Variants in DGKI observed in about 807,000 individuals in gnomAD.
DGKI encodes diacylglycerol kinase iota, also known as DAG kinase iota.
In DGKI, 55 loss-of-function variants were observed where a neutral mutation model predicts 147.5. That is an observed-to-expected ratio of 0.37 (90% CI 0.30 to 0.47). The LOEUF (loss-of-function observed/expected upper bound fraction) is 0.47. Among genes scored for constraint, DGKI ranks in the 20% least tolerant of loss-of-function variants. DGKI has a pLI of 1.00. For synonymous variants in DGKI, 469 were observed against 477.1 expected, an observed-to-expected ratio of 0.98 and a Z score of 0.22; for missense variants, 1,007 against 1,323.8, an observed-to-expected ratio of 0.76 and a Z score of 3.71.
At chr7:137,806,801 C>G (rs574485814) in intron 1 of DGKI, among the ~76,000 whole-genome samples, 2 of 152,254 alleles carry the variant, frequency 1.3e-5, no homozygotes, top group Non-Finnish European at 2.9e-5. Flanking sequence ...GCCCACCTCC[C>G]CACCATGCAT....
intron 4 of DGKI, among the ~76,000 whole-genome samples, chr7:137,656,170 C>T (rs925678886): frequency 1.3e-5 from 2 of 152,304 alleles, no homozygotes; most frequent in Non-Finnish European, 2.9e-5. Context: ...GATAGTAATG[C>T]TTGAACTGAG....
chr7:137,827,172 G>T (rs887952917), intron 1 of DGKI, among the ~76,000 whole-genome samples: 2 of 152,130 alleles, frequency 1.3e-5, no homozygotes, highest in African/African-American at 4.8e-5. Context: ...ATGACTTGCA[G>T]CTATAACAGT....
At chr7:137,736,591 C>T (rs115440866) in intron 1 of DGKI, among the ~76,000 whole-genome samples, 19 of 152,190 alleles carry the variant, frequency 1.2e-4, no homozygotes, top group African/African-American at 3.6e-4. Flanking sequence ...CCTTTTAATA[C>T]GAGAAGGTCA....
chr7:137,802,252 G>A (rs970051211), intron 1 of DGKI, among the ~76,000 whole-genome samples: 8 of 152,142 alleles, frequency 5.3e-5, no homozygotes, highest in Admixed American at 3.9e-4. Context: ...GTGGGAGGTG[G>A]ATGAGGGATA....
chr7:137,392,183 GACT>G (rs1269953176), intron 32 of DGKI, among the ~76,000 whole-genome samples: 2 of 151,820 alleles, frequency 1.3e-5, no homozygotes, highest in Non-Finnish European at 2.9e-5. Context: ...ATTTCTTACA[GACT>G]ACTATAATGC....
chr7:137,813,098 C>T (rs1397902825), intron 1 of DGKI, among the ~76,000 whole-genome samples: 1 of 152,084 alleles, frequency 6.6e-6, no homozygotes, highest in Non-Finnish European at 1.5e-5. Flanking sequence ...GTAAATAGAC[C>T]AGGAACAACC....
At chr7:137,686,200 T>A (rs1823409113) in intron 2 of DGKI, among the ~76,000 whole-genome samples, 1 of 152,180 alleles carries the variant, frequency 6.6e-6, no homozygotes, top group Admixed American at 6.5e-5. Context: ...GTTGTGAGGA[T>A]ACAAAGCAAA....
intron 3 of DGKI, among the ~76,000 whole-genome samples, chr7:137,674,923 T>C (rs1055724759): frequency 5.9e-5 from 9 of 152,214 alleles, no homozygotes; most frequent in Non-Finnish European, 8.8e-5. Flanking sequence ...ACATCGTAGA[T>C]GATGGATTCA....
intron 1 of DGKI, among the ~76,000 whole-genome samples, chr7:137,730,972 G>C (rs1794864411): frequency 6.6e-6 from 1 of 151,994 alleles, no homozygotes; most frequent in Non-Finnish European, 1.5e-5. Context: ...ATTTCACTAG[G>C]TTCAAAGGCA....
intron 1 of DGKI, among the ~76,000 whole-genome samples, chr7:137,718,913 T>C (rs921127306): frequency 6.6e-6 from 1 of 152,330 alleles, no homozygotes; most frequent in South Asian, 2.1e-4. Context: ...AACTTTTCAG[T>C]ATGATGGACT....
At chr7:137,474,408 C>T (rs1484958528) in intron 23 of DGKI, among the ~76,000 whole-genome samples, 2 of 152,000 alleles carry the variant, frequency 1.3e-5, no homozygotes, top group African/African-American at 4.8e-5. Context: ...TGCCAGTAAT[C>T]GGTAAAACAA....
At position 137,609,538 on chromosome 7, in the gene DGKI, C is replaced by T; in HGVS notation, c.1065G>A (p.Met355Ile). 6.2e-7 allele frequency: 1 copy of T among 1,609,800 alleles called. No homozygotes were observed. Among genetic ancestry groups the T allele is most frequent in the Admixed American group, 1.7e-5 (1 of 59,936 alleles). ...AATAAAACTCTGAAACACTTACTTC[C>T]ATCCCTCTTTTACTGGCTTTTCTTT... is the stretch of plus-strand genomic sequence containing the variant. ...SFKRKASKRGMEQENKGRPFV... is the reference protein window; with the variant it reads ...SFKRKASKRGIEQENKGRPFV... The change falls in exon 9 of 33, where the codon ATG (methionine) becomes ATA (isoleucine). Residue 355 changes from methionine (M) to isoleucine (I), a missense_variant. By Grantham distance (10) the Met-to-Ile change is conservative. This residue lies in a region of DGKI where 259 missense variants were observed against 362.5 expected (regional missense o/e 0.71). Transcript: ENST00000614521.
chr7:137,819,960 A>T (rs1797851090), intron 1 of DGKI, among the ~76,000 whole-genome samples: 1 of 152,210 alleles, frequency 6.6e-6, no homozygotes, highest in Admixed American at 6.5e-5. Flanking sequence ...CCTCTCAGAG[A>T]GCATCGTTGC....
chr7:137,436,073 C>A (rs1261738229), intron 28 of DGKI, among the ~76,000 whole-genome samples: 1 of 152,200 alleles, frequency 6.6e-6, no homozygotes, highest in African/African-American at 2.4e-5. Flanking sequence ...CAGCACCCAG[C>A]CAGTATCTAA....
chr7:137,501,856 G>C (rs13231997), intron 21 of DGKI, among the ~76,000 whole-genome samples: 1 of 152,072 alleles, frequency 6.6e-6, no homozygotes, highest in African/African-American at 2.4e-5. Context: ...ATCTCATCTT[G>C]TAGCTCCCAT....
chr7:137,450,408 T>A (rs1813906196), intron 27 of DGKI, among the ~76,000 whole-genome samples: 1 of 152,154 alleles, frequency 6.6e-6, no homozygotes, highest in Non-Finnish European at 1.5e-5. Context: ...ATGTCAATTT[T>A]AAAATTATTT....
intron 28 of DGKI, among the ~76,000 whole-genome samples, chr7:137,424,564 G>A (rs532169852): frequency 1.3e-4 from 20 of 152,246 alleles, no homozygotes; most frequent in South Asian, 4.1e-4. Flanking sequence ...TGCACCGTGC[G>A]CGAGCCAAAG....
chr7:137,407,916 T>C lies in DGKI; in HGVS notation c.2879A>G (p.Lys960Arg). The C allele has an allele frequency of 6.2e-7, 1 of 1,614,152 alleles. No individual in the cohort carries two copies. Among genetic ancestry groups the C allele is most frequent in the Non-Finnish European group, 8.5e-7 (1 of 1,179,974 alleles). The part of the protein sequence containing the change: ...DHCSLLHYAA[K>R]TGNGEIVKYI... ...TTTCACAATCTCCCCGTTGCCGGTTTTAGCTGCGTAGTGAAGGAGTGAACA... is the reference window on the plus strand; with the variant it reads ...TTTCACAATCTCCCCGTTGCCGGTTCTAGCTGCGTAGTGAAGGAGTGAACA... Residue 960 changes from lysine to arginine, a missense_variant, in exon 30 of 33, where the codon AAA becomes AGA. Physicochemically the swap from Lys to Arg is conservative, Grantham distance 26. Transcript: ENST00000614521.
rs376268381 is a variant in DGKI at position 137,488,883 on chromosome 7, T to A, written c.2249-1194A>T. On this transcript the variant is annotated intron_variant, in intron 21 of 32. Coordinates refer to ENST00000614521, the MANE Select transcript of DGKI (RefSeq NM_001321708.2). ...CGTATTAAATGTATTAACTTAGTCA[T>A]TTGAAAACTATAGGAAAGAGGGGCT... is the stretch of plus-strand genomic sequence containing the variant. Among the ~76,000 whole-genome samples the A allele has an allele frequency of 7.9e-5, 12 of 152,268 alleles. No homozygotes were observed. In the South Asian group the frequency reaches 2.3e-3, roughly 29 times the overall value.
Sources: allele counts gnomAD v4.1 joint callset (sites outside exome capture counted in the v4.1 genomes callset), GRCh38; gene constraint gnomAD v4.1.1; regional missense constraint gnomAD v4.1.1; transcripts MANE v1.5; gene names NCBI Gene and HGNC (gene_info 2026-07-23, HGNC 2026-07-21).